The following COL1A1 variants were observed in gnomAD, a reference collection of about 807,000 sequenced individuals.
The protein encoded by COL1A1 is collagen type I alpha 1 chain.
A neutral mutation model predicts 195.7 loss-of-function variants in COL1A1; 21 were observed. That is an observed-to-expected ratio of 0.11 (90% CI 0.08 to 0.15). The LOEUF is 0.15. Ranked by LOEUF, COL1A1 falls within the 10% of genes least tolerant of loss-of-function variation. COL1A1 has a pLI of 1.00. For synonymous variants in COL1A1, 749 were observed against 747.3 expected (o/e 1.00, Z -0.04); for missense variants, 1,365 against 2,051.0 (o/e 0.67, Z 6.46).
rs1906831252 is a variant in COL1A1, at chr17:50,189,084, C to A, written c.2938-74G>T. On this transcript the variant is annotated intron_variant, in intron 40 of 50. Transcript: ENST00000225964. The surrounding 1 kb of genome is among the most constrained non-coding windows in gnomAD (Gnocchi z 5.5). ...TTGAGTCCGCTGGAGTCATCTCTAC[C>A]AAATCTGTTCTCCTTGGCTCCGCCC... The A allele has an allele frequency of 2.5e-6, 4 of 1,579,818 alleles. No homozygotes were observed. The highest frequency in any genetic ancestry group is 3.5e-6 in the Non-Finnish European group (4 of 1,149,534).
chr17:50,197,110 C>T (rs898326373), intron 10 of COL1A1, 47 bp from the exon 11 acceptor site: 2 of 1,613,940 alleles, frequency 1.2e-6, no homozygotes, highest in Non-Finnish European at 1.7e-6. Context: ...GAACACATCA[C>T]TGTGGACCCA....
intron 25 of COL1A1, 58 bp downstream of exon 25, chr17:50,193,885 C>T: frequency 6.7e-7 from 1 of 1,500,620 alleles, no homozygotes; most frequent in South Asian, 1.1e-5. Context: ...CCCAGGACTC[C>T]TTCAAGTCTC....
Position 50,189,322 on chromosome 17 carries a change from C to A in COL1A1, c.2830-47G>T. The A allele has an allele frequency of 6.2e-7, 1 of 1,613,754 alleles. No homozygotes were observed. Among genetic ancestry groups the A allele is most frequent in the East Asian group, 2.2e-5 (1 of 44,856 alleles). On this transcript the variant is annotated intron_variant, in intron 39 of 50. Coordinates refer to ENST00000225964, the MANE Select transcript of COL1A1 (RefSeq NM_000088.4). The surrounding 1 kb of genome is among the most constrained non-coding windows in gnomAD (Gnocchi z 5.5). ...GAGGTGCCAGAGAGCAGCACAGGGA[C>A]CCCTCCCCAGCTCTGCACACCTCCG...
rs1454645764 is a variant in COL1A1 at position 50,188,669 on chromosome 17, C to T, written c.3100-32G>A. 1.9e-6 allele frequency: 3 copies of T among 1,613,224 alleles called. No individual in the cohort carries two copies. Among genetic ancestry groups the T allele is most frequent in the Admixed American group, 3.3e-5 (2 of 60,002 alleles). On this transcript the variant is annotated intron_variant, in intron 42 of 50. Coordinates refer to ENST00000225964, the MANE Select transcript of COL1A1 (RefSeq NM_000088.4). This position sits in a 1 kb window ranked among gnomAD's most constrained non-coding sequence, Gnocchi z 5.6. ...GGGAGAGCAGGGGAATATGGGTCAGCCCCGGGTGAAGGGCCAGGATGGGGC... is the reference window on the plus strand; with the variant it reads ...GGGAGAGCAGGGGAATATGGGTCAGTCCCGGGTGAAGGGCCAGGATGGGGC...
At chr17:50,197,918 A>G (rs770034178) in intron 8 of COL1A1, 31 bp downstream of exon 8, 2 of 1,611,988 alleles carry the variant, frequency 1.2e-6, no homozygotes, top group African/African-American at 2.7e-5. Context: ...TGTTTGTAGA[A>G]GGAGTATGAA....
chr17:50,198,322 G>T, intron 6 of COL1A1, 111 bp downstream of exon 6: 2 of 1,541,950 alleles, frequency 1.3e-6, no homozygotes, highest in Non-Finnish European at 1.8e-6. Flanking sequence ...TGGACTCTGA[G>T]GTCCCAAAGG....
At position 50,196,137 on chromosome 17, in the gene COL1A1, C is replaced by T; in HGVS notation, c.1002+18G>A. 6.2e-7 allele frequency: 1 copy of T among 1,613,982 alleles called. No homozygotes were observed. Among genetic ancestry groups the T allele is most frequent in the Admixed American group, 1.7e-5 (1 of 60,028 alleles). Reference sequence around the variant, plus strand: ...CCCTCCCCACTCCCAGGCCCTGAGGCCTACAGGCCACACTCACAGGGGGCC... The same window carrying T: ...CCCTCCCCACTCCCAGGCCCTGAGGTCTACAGGCCACACTCACAGGGGGCC... On this transcript the variant is annotated intron_variant, in intron 15 of 50. Coordinates refer to ENST00000225964, the MANE Select transcript of COL1A1 (RefSeq NM_000088.4).
rs748696566 is a variant in COL1A1, at chr17:50,197,327, T to C, written c.697-94A>G. On this transcript the variant is annotated intron_variant, in intron 9 of 50. Coordinates refer to ENST00000225964, the MANE Select transcript of COL1A1 (RefSeq NM_000088.4). ...GAAGGTCTCAGTCTTCTTTGGATTG[T>C]TGCAGGTCAGGTTTGGGGGCCCAGA... 88 of 1,338,022 alleles carry C rather than the reference T, an allele frequency of 6.6e-5. 1 individual carries two copies. Among genetic ancestry groups the C allele is most frequent in the Non-Finnish European group, 9.0e-5 (84 of 933,930 alleles). The allele number at this position is 1,338,022 out of a possible 1,614,324, so 82.9% of individuals were successfully genotyped here. A position where few individuals can be genotyped will look rare whatever the true frequency, so the allele number is the denominator to read the frequency against.
chr17:50,201,056 G>T (rs1224802962), intron 1 of COL1A1, among the ~76,000 whole-genome samples: 1 of 152,228 alleles, frequency 6.6e-6, no homozygotes, highest in Non-Finnish European at 1.5e-5. Context: ...CTTCCTGATT[G>T]CTTCTACATC....
Position 50,193,113 on chromosome 17 carries a change from C to T in COL1A1, c.1768-66G>A, listed in dbSNP as rs1907248560. ...GAAGCCAGGGCCTCCTGGGGCCTCTCATTTACTCTGAGTGGGACTTTTTAA... is the reference window on the plus strand; with the variant it reads ...GAAGCCAGGGCCTCCTGGGGCCTCTTATTTACTCTGAGTGGGACTTTTTAA... On this transcript the variant is annotated intron_variant, in intron 25 of 50. Coordinates refer to ENST00000225964, the MANE Select transcript of COL1A1 (RefSeq NM_000088.4). 2.6e-6 allele frequency: 4 copies of T among 1,514,538 alleles called. No individual in the cohort carries two copies. The Admixed American group carries it at 7.1e-5, about 27-fold the overall frequency. The allele number at this position is 1,514,538 out of a possible 1,614,324, so 93.8% of individuals were successfully genotyped here. A position where few individuals can be genotyped will look rare whatever the true frequency, so the allele number is the denominator to read the frequency against.
At chr17:50,198,059 T>C in intron 7 of COL1A1, 57 bp from the exon 8 acceptor site, 1 of 1,609,184 alleles carries the variant, frequency 6.2e-7, no homozygotes, top group Non-Finnish European at 8.5e-7. Flanking sequence ...CCTTCTCCAA[T>C]CTTACCAAGA....
In COL1A1 at chr17:50,197,937, G is replaced by T; in HGVS notation, c.642+12C>A. On this transcript the variant is annotated intron_variant, in intron 8 of 50. Coordinates refer to ENST00000225964, the MANE Select transcript of COL1A1 (RefSeq NM_000088.4). ...TGTAGAAGGAGTATGAATCTGTATA[G>T]AGAGTGCTTACTGAAGCTCCAGGCT... 2 of 1,613,688 alleles carry T rather than the reference G, an allele frequency of 1.2e-6. No homozygotes were observed. The highest frequency in any genetic ancestry group is 1.7e-6 in the Non-Finnish European group (2 of 1,179,626).
rs1215940390 is a variant in COL1A1 at position 50,190,356 on chromosome 17, G to A, written c.2422C>T (p.Pro808Ser). The change falls in exon 35 of 51, where the codon CCC becomes TCC. Residue 808 changes from proline (P) to serine (S), a missense_variant. Around this residue, in one of 5 missense-constraint regions of COL1A1, gnomAD observed 671 missense variants for 1,099.9 expected, o/e 0.61. Coordinates refer to ENST00000225964, the MANE Select transcript of COL1A1 (RefSeq NM_000088.4). This position sits in a 1 kb window ranked among gnomAD's most constrained non-coding sequence, Gnocchi z 4.7. ...GGGCCAGCAAAGCCAGCAGGGCCGGGGGGACCAGGCTCACCACGGTCTCCC... is the reference window on the plus strand; with the variant it reads ...GGGCCAGCAAAGCCAGCAGGGCCGGAGGGACCAGGCTCACCACGGTCTCCC... ...APGDRGEPGP[P>S]GPAGFAGPPG... 2.5e-6 allele frequency: 4 copies of A among 1,611,646 alleles called. No homozygotes were observed. Among genetic ancestry groups the A allele is most frequent in the Non-Finnish European group, 3.4e-6 (4 of 1,177,974 alleles).
Position 50,185,882 on chromosome 17 carries a change from C to A in COL1A1, c.4144G>T (p.Gly1382Cys), listed in dbSNP as rs765712898. Residue 1382 changes from glycine (G) to cysteine (C), a missense_variant, in exon 50 of 51, where the codon GGC becomes TGC. Gly to Cys is a radical substitution (Grantham distance 159). This residue lies in a region of COL1A1 where 273 missense variants were observed against 338.6 expected (regional missense o/e 0.81). Coordinates refer to ENST00000225964, the MANE Select transcript of COL1A1 (RefSeq NM_000088.4). ...AGGAGCAGGGCCTTCTTGAGGTTGC[C>A]AGTCTGCTGGTCCATGTAGGCCACG... ...NSVAYMDQQT[G>C]NLKKALLLQG... 8 of 1,614,120 alleles carry A rather than the reference C, an allele frequency of 5.0e-6. No homozygotes were observed. The highest frequency in any genetic ancestry group is 5.9e-6 in the Non-Finnish European group (7 of 1,180,030).
chr17:50,198,288 C>G (rs1442783747), intron 6 of COL1A1, 83 bp from the exon 7 acceptor site: 1 of 1,573,576 alleles, frequency 6.4e-7, no homozygotes, highest in African/African-American at 1.4e-5. Flanking sequence ...CTGTTGGGAC[C>G]ACCCAGTCGT....
chr17:50,197,010 T>C lies in COL1A1; in HGVS notation c.804A>G (p.Arg268=). 1.2e-6 allele frequency: 2 copies of C among 1,614,032 alleles called. No homozygotes were observed. The highest frequency in any genetic ancestry group is 2.2e-5 in the South Asian group (2 of 91,070). ...CTTAAATGACTCAAAGGTGACTCAC[T>C]CTGTGTCCCTTCATTCCAGGGAGGC... is the stretch of plus-strand genomic sequence containing the variant. ...TAGLPGMKGH[R]GFSGLDGAKG... Residue 268 remains arginine, a splice_region_variant and synonymous_variant, in exon 11 of 51, where the codon AGA becomes AGG. Transcript: ENST00000225964.
In COL1A1 at chr17:50,188,171, T is replaced by C. The variant is rs575451361; in HGVS notation, c.3208-22A>G. The C allele has an allele frequency of 1.3e-6, 2 of 1,542,052 alleles. No individual in the cohort carries two copies. The highest frequency in any genetic ancestry group is 1.4e-5 in the African/African-American group (1 of 72,920). On this transcript the variant is annotated intron_variant, in intron 43 of 50. Coordinates refer to ENST00000225964, the MANE Select transcript of COL1A1 (RefSeq NM_000088.4). The surrounding 1 kb of genome is among the most constrained non-coding windows in gnomAD (Gnocchi z 5.6). ...GACCCTGGGGAGAGCAAGGAAAGCA[T>C]GAGCTCTTGGCCAGGGAAGGCTGAG...
Position 50,189,975 on chromosome 17 carries a change from T to C in COL1A1, c.2559+26A>G, listed in dbSNP as rs374375343. The stretch of plus-strand genomic sequence containing the variant: ...CCTGGGTCCCAGCCCACCAGCCTCG[T>C]GGGCACAGAGGGCCAAGCCACTCAC... On this transcript the variant is annotated intron_variant, in intron 36 of 50. Coordinates refer to ENST00000225964, the MANE Select transcript of COL1A1 (RefSeq NM_000088.4). This position sits in a 1 kb window ranked among gnomAD's most constrained non-coding sequence, Gnocchi z 5.5. 5 of 1,613,026 alleles carry C rather than the reference T, an allele frequency of 3.1e-6. No homozygotes were observed. The highest frequency in any genetic ancestry group is 4.2e-6 in the Non-Finnish European group (5 of 1,179,610).
chr17:50,195,199 TG>T lies in COL1A1; in HGVS notation c.1299+32del. The T allele has an allele frequency of 6.2e-7, 1 of 1,605,376 alleles. No individual in the cohort carries two copies. The highest frequency in any genetic ancestry group is 8.5e-7 in the Non-Finnish European group (1 of 1,172,724). Reference sequence around the variant, plus strand: ...TGAGAGCCGCACTGGAGCCAGTGCATGGGGTGGGCAGAAGGGAGAGTTTGGT... The same window carrying T: ...TGAGAGCCGCACTGGAGCCAGTGCATGGGTGGGCAGAAGGGAGAGTTTGGT... On this transcript the variant is annotated intron_variant, in intron 19 of 50. Coordinates refer to ENST00000225964, the MANE Select transcript of COL1A1 (RefSeq NM_000088.4). This position sits in a 1 kb window ranked among gnomAD's most constrained non-coding sequence, Gnocchi z 4.3.
Sources: gnomAD v4.1 joint callset for allele counts (sites outside exome capture counted in the v4.1 genomes callset) on GRCh38, gnomAD v4.1.1 for gene constraint, gnomAD v4.1.1 regional missense constraint, Gnocchi (gnomAD v3.1) non-coding constraint, MANE v1.5 for transcripts, NCBI Gene and HGNC (gene_info 2026-07-23, HGNC 2026-07-21) for gene names.